Variants in NOP10 observed in about 807,000 individuals in gnomAD.
NOP10 encodes NOP10 ribonucleoprotein.
Under a neutral mutation model 9.5 loss-of-function variants are expected in NOP10, and 6 were observed. The observed-to-expected ratio is 0.63, with a 90% CI of 0.35 to 1.25. NOP10 has a LOEUF of 1.25. Among genes scored for constraint, NOP10 ranks in the 50% most tolerant of loss-of-function variants. The pLI is 0.03. For missense variants in NOP10, 75 were observed against 81.3 expected (o/e 0.92, Z 0.30); for synonymous variants, 28 against 30.7 (o/e 0.91, Z 0.29).
At chr15:34,342,691 C>T (rs1030849173) in intron 1 of NOP10, among the ~76,000 whole-genome samples, 2 of 151,838 alleles carry the variant, frequency 1.3e-5, no homozygotes, top group African/African-American at 2.4e-5. Context: ...GGATAACAGG[C>T]GCACACCGCC....
intron 1 of NOP10, 67 bp downstream of exon 1, chr15:34,342,953 G>A: frequency 7.0e-7 from 1 of 1,436,614 alleles, no homozygotes; most frequent in Non-Finnish European, 9.8e-7. Context: ...CTCCACGTAT[G>A]ACCTCACCCA....
rs919878155 is a variant in NOP10 at position 34,341,748 on chromosome 15, T to A, written c.*220A>T. On this transcript the variant is annotated 3_prime_UTR_variant, in exon 2 of 2. Coordinates refer to ENST00000328848, the MANE Select transcript of NOP10 (RefSeq NM_018648.4). Reference sequence around the variant, plus strand: ...TCAAATCATTTTATCTTTAATAATCTTGTAGTAATTTAAAATATGAGAAAA... The same window carrying A: ...TCAAATCATTTTATCTTTAATAATCATGTAGTAATTTAAAATATGAGAAAA... 1.7e-6 allele frequency: 1 copy of A among 581,254 alleles called. No individual in the cohort carries two copies. The highest frequency in any genetic ancestry group is 2.8e-5 in the Admixed American group (1 of 35,318). The allele number at this position is 581,254 out of a possible 1,614,324, so 36.0% of individuals were successfully genotyped here.
intron 1 of NOP10, 117 bp downstream of exon 1, chr15:34,342,903 C>T (rs1890507973): frequency 2.0e-6 from 2 of 1,001,980 alleles, no homozygotes; most frequent in Non-Finnish European, 3.2e-6. Context: ...TTCCCCACCT[C>T]GGTTCTGGAC....
chr15:34,342,777 G>C (rs547515082), intron 1 of NOP10, among the ~76,000 whole-genome samples: 1 of 151,990 alleles, frequency 6.6e-6, no homozygotes, highest in African/African-American at 2.4e-5. Flanking sequence ...GAACTCCTGA[G>C]CTAAGGCAAT....
intron 1 of NOP10, among the ~76,000 whole-genome samples, chr15:34,342,677 G>C (rs1246559701): frequency 2.6e-5 from 4 of 151,714 alleles, no homozygotes; most frequent in Non-Finnish European, 5.9e-5. Flanking sequence ...CTCCCGAGTA[G>C]CTGGGATAAC....
rs200017156 is a variant in NOP10, at chr15:34,342,118, G to T, written c.55-10C>A. On this transcript the variant is annotated splice_polypyrimidine_tract_variant and intron_variant, in intron 1 of 1. Coordinates refer to ENST00000328848, the MANE Select transcript of NOP10 (RefSeq NM_018648.4). Reference sequence around the variant, plus strand: ...CCATCGGGTCAAATTTCTGCTCCAGGAACACAGAATGTATGTCAGTACAGG... The same window carrying T: ...CCATCGGGTCAAATTTCTGCTCCAGTAACACAGAATGTATGTCAGTACAGG... 881 of 1,613,912 alleles carry T rather than the reference G, an allele frequency of 5.5e-4. 5 individuals are homozygous for T. In the African/African-American group the frequency reaches 0.011, roughly 19 times the overall value.
intron 1 of NOP10, among the ~76,000 whole-genome samples, chr15:34,342,539 A>T (rs1354370338): frequency 6.9e-6 from 1 of 145,172 alleles, no homozygotes; most frequent in South Asian, 2.3e-4. Context: ...ACTACAGCCT[A>T]GGCAACAAAG....
At chr15:34,342,155 G>A (rs758089293) in intron 1 of NOP10, 47 bp from the exon 2 acceptor site, 1 of 1,589,098 alleles carries the variant, frequency 6.3e-7, no homozygotes, top group East Asian at 2.2e-5. Context: ...GTGATGAAAT[G>A]GGGTGGGGCC....
chr15:34,341,916 G>T lies in NOP10; in HGVS notation c.*52C>A. 1 of 1,594,772 alleles carries T rather than the reference G, an allele frequency of 6.3e-7. No individual in the cohort carries two copies. The highest frequency in any genetic ancestry group is 2.2e-4 in the Middle Eastern group (1 of 4,562). ...CTCACAGTCCGAAGAGTTTGGTTAC[G>T]GAGTCTCCGAGGGGTAACAGGTGGC... On this transcript the variant is annotated 3_prime_UTR_variant, in exon 2 of 2. Transcript: ENST00000328848.
Position 34,341,900 on chromosome 15 carries a change from C to A in NOP10, c.*68G>T. On this transcript the variant is annotated 3_prime_UTR_variant, in exon 2 of 2. Transcript: ENST00000328848. ...CAAAAAGGCATCAGGGCTCACAGTC[C>A]GAAGAGTTTGGTTACGGAGTCTCCG... is the stretch of plus-strand genomic sequence containing the variant. 7 of 1,546,056 alleles carry A rather than the reference C, an allele frequency of 4.5e-6. No individual in the cohort carries two copies. Among genetic ancestry groups the A allele is most frequent in the Non-Finnish European group, 6.2e-6 (7 of 1,123,696 alleles).
In NOP10 at chr15:34,341,873, G is replaced by A; in HGVS notation, c.*95C>T. 8 of 1,289,286 alleles carry A rather than the reference G, an allele frequency of 6.2e-6. No homozygotes were observed. The highest frequency in any genetic ancestry group is 7.8e-6 in the Non-Finnish European group (7 of 902,162). The allele number at this position is 1,289,286 out of a possible 1,614,324, so 79.9% of individuals were successfully genotyped here. A position where few individuals can be genotyped will look rare whatever the true frequency, so the allele number is the denominator to read the frequency against. On this transcript the variant is annotated 3_prime_UTR_variant, in exon 2 of 2. Coordinates refer to ENST00000328848, the MANE Select transcript of NOP10 (RefSeq NM_018648.4). ...AGACTGGATGCCAAAGAGTATGGCT[G>A]GCAAAAAGGCATCAGGGCTCACAGT... is the stretch of plus-strand genomic sequence containing the variant.
chr15:34,343,039 T>G lies in NOP10; in HGVS notation c.35A>C (p.Asp12Ala). 6.2e-7 allele frequency: 1 copy of G among 1,614,152 alleles called. No homozygotes were observed. Among genetic ancestry groups the G allele is most frequent in the Non-Finnish European group, 8.5e-7 (1 of 1,180,022 alleles). ...FLQYYLNEQG[D>A]RVYTLKKFDP... ...CCTCACCTTCAGCGTATAGACTCGA[T>G]CTCCCTGCTCGTTGAGGTAATACTG... The change falls in exon 1 of 2, where the codon GAT becomes GCT. Residue 12 changes from aspartate (D) to alanine (A), a missense_variant. Asp to Ala is a moderately radical substitution (Grantham distance 126). Coordinates refer to ENST00000328848, the MANE Select transcript of NOP10 (RefSeq NM_018648.4).
chr15:34,342,691 C>A (rs1030849173), intron 1 of NOP10, among the ~76,000 whole-genome samples: 1 of 151,954 alleles, frequency 6.6e-6, no homozygotes, highest in South Asian at 2.1e-4. Context: ...GGATAACAGG[C>A]GCACACCGCC....
Position 34,343,111 on chromosome 15 carries a change from G to T in NOP10, c.-38C>A, listed in dbSNP as rs112556317. ...GCCAGCGGTCCCAATTCGGTCCACCGCTCAGTCTGCAGTGGTCCGCCCGAC... is the reference window on the plus strand; with the variant it reads ...GCCAGCGGTCCCAATTCGGTCCACCTCTCAGTCTGCAGTGGTCCGCCCGAC... On this transcript the variant is annotated 5_prime_UTR_variant, in exon 1 of 2. Coordinates refer to ENST00000328848, the MANE Select transcript of NOP10 (RefSeq NM_018648.4). 8 of 1,603,626 alleles carry T rather than the reference G, an allele frequency of 5.0e-6. No individual in the cohort carries two copies. Among genetic ancestry groups the T allele is most frequent in the South Asian group, 1.1e-5 (1 of 90,870 alleles).
At chr15:34,342,934 G>T in intron 1 of NOP10, 86 bp downstream of exon 1, 1 of 1,254,926 alleles carries the variant, frequency 8.0e-7, no homozygotes, top group Non-Finnish European at 1.2e-6. Flanking sequence ...CCCGCACCCA[G>T]CTAGGTAACT....
intron 1 of NOP10, 30 bp downstream of exon 1, chr15:34,342,990 G>GCCTATTTACAC: frequency 6.3e-7 from 1 of 1,599,564 alleles, no homozygotes; most frequent in Non-Finnish European, 8.6e-7. Flanking sequence ...TTCTCGCCAT[G>GCCTATTTACAC]CCTATTTACA....
rs368082745 is a variant in NOP10 at position 34,342,088 on chromosome 15, T to A, written c.75A>T (p.Gln25His). ...GAGCAGGATGGGCTGAGCAGGTCTG[T>A]TGTCCCATCGGGTCAAATTTCTGCT... ...YTLKKFDPMGQQTCSAHPARF... is the reference protein window; with the variant it reads ...YTLKKFDPMGHQTCSAHPARF... Residue 25 changes from glutamine (Q) to histidine (H), a missense_variant, in exon 2 of 2, where the codon CAA becomes CAT. Physicochemically the swap from Gln to His is conservative, Grantham distance 24 (BLOSUM62 0). Transcript: ENST00000328848. The A allele has an allele frequency of 1.9e-5, 31 of 1,613,956 alleles. No individual in the cohort carries two copies. The highest frequency in any genetic ancestry group is 2.5e-5 in the Non-Finnish European group (29 of 1,180,008).
chr15:34,342,156 G>A (rs780059701), intron 1 of NOP10, 48 bp from the exon 2 acceptor site: 6 of 1,585,546 alleles, frequency 3.8e-6, no homozygotes, highest in Non-Finnish European at 5.2e-6. Context: ...TGATGAAATG[G>A]GGTGGGGCCA....
Position 34,341,964 on chromosome 15 carries a change from A to G in NOP10, c.*4T>C. On this transcript the variant is annotated 3_prime_UTR_variant, in exon 2 of 2. Coordinates refer to ENST00000328848, the MANE Select transcript of NOP10 (RefSeq NM_018648.4). ...GGCAGAAAAGACATCAGTTTAAGGG[A>G]CCCTCAGAGGACAGGGCGCGGTTGC... 1 of 1,613,556 alleles carries G rather than the reference A, an allele frequency of 6.2e-7. No homozygotes were observed.
Sources: gnomAD v4.1 joint callset for allele counts (sites outside exome capture counted in the v4.1 genomes callset) on GRCh38, gnomAD v4.1.1 for gene constraint, MANE v1.5 for transcripts, NCBI Gene and HGNC (gene_info 2026-07-23, HGNC 2026-07-21) for gene names.